Variants in CCDC144A observed in about 807,000 individuals in gnomAD.
The protein encoded by CCDC144A is coiled-coil domain-containing protein 144A.
Under a neutral mutation model 143.8 loss-of-function variants are expected in CCDC144A, and 41 were observed. That is an observed-to-expected ratio of 0.29 (90% confidence interval 0.22 to 0.37). The LOEUF (loss-of-function observed/expected upper bound fraction) is 0.37. Among genes scored for constraint, CCDC144A ranks in the 10% least tolerant of loss-of-function variants. The probability of loss-of-function intolerance (pLI) is 1.00; values close to 1 mark genes in which losing one functional copy is unlikely to be tolerated. For missense variants in CCDC144A, 637 were observed against 1,488.8 expected, an observed-to-expected ratio of 0.43 and a Z score of 9.41; for synonymous variants, 242 against 517.9, an observed-to-expected ratio of 0.47 and a Z score of 7.23.
At chr17:16,670,298 T>C in the CCDC144A span, among the ~76,000 whole-genome samples, 10 of 148,740 alleles carry the variant, frequency 6.7e-5, no homozygotes, top group Non-Finnish European at 6.0e-5. Context: ...TTTCTTTTTT[T>C]TTTTTTTTTG....
chr17:16,697,113 C>T (rs551458384), intron 2 of CCDC144A, among the ~76,000 whole-genome samples: 1 of 152,080 alleles, frequency 6.6e-6, no homozygotes, highest in Admixed American at 6.5e-5. Context: ...CAAATAGATG[C>T]GTGTTTCTCC....
chr17:16,769,319 C>T (rs1915733658), intron 15 of CCDC144A, among the ~76,000 whole-genome samples: 1 of 152,216 alleles, frequency 6.6e-6, no homozygotes, highest in African/African-American at 2.4e-5. Context: ...GAGTCTAAGT[C>T]CTCATTTGAA....
intron 8 of CCDC144A, among the ~76,000 whole-genome samples, chr17:16,725,574 A>C (rs1913367962): frequency 1.3e-5 from 2 of 152,076 alleles, no homozygotes; most frequent in African/African-American, 4.8e-5. Flanking sequence ...GAGCTATGCT[A>C]TGAGGATGCA....
the CCDC144A span, chr17:16,684,018 A>T: frequency 3.2e-6 from 3 of 936,948 alleles, no homozygotes; most frequent in Non-Finnish European, 5.3e-6. Flanking sequence ...GCGGAAATTC[A>T]TGCAGCCTGC....
intron 3 of CCDC144A, chr17:16,706,739 G>C (rs948348590): frequency 6.6e-6 from 1 of 151,802 alleles, no homozygotes; most frequent in Non-Finnish European, 1.5e-5. Context: ...ATGACTCTTT[G>C]TACAAAGATG....
rs991237418 is a variant in CCDC144A at position 16,690,859 on chromosome 17, C to G, written c.344+115C>G. ...TCAGAGGGGTCAGGGGCCCAGGCCT[C>G]TTAGTGAGACGGGATCAAATATAAA... is the stretch of plus-strand genomic sequence containing the variant. On this transcript the variant is annotated intron_variant, in intron 1 of 16. Transcript: ENST00000399273. 3 of 877,390 alleles carry G rather than the reference C, an allele frequency of 3.4e-6. No individual in the cohort carries two copies. The African/African-American group carries it at 5.1e-5, about 15-fold the overall frequency. The allele number at this position is 877,390 out of a possible 1,614,324, so 54.4% of individuals were successfully genotyped here.
chr17:16,714,483 T>C (rs996769582), intron 6 of CCDC144A, among the ~76,000 whole-genome samples: 7 of 152,138 alleles, frequency 4.6e-5, no homozygotes, highest in South Asian at 2.1e-4. Context: ...ACTAAGGTGT[T>C]GTCATTGACT....
chr17:16,725,002 A>ATTTTTTTTTTTTTTTTTTTT (rs1167527388), intron 8 of CCDC144A, among the ~76,000 whole-genome samples: 2 of 37,284 alleles, frequency 5.4e-5, no homozygotes, highest in Non-Finnish European at 5.3e-5. Context: ...ATAGCTGGTA[A>ATTTTTTTTTTTTTTTTTTTT]TTTTTTTTTT....
intron 12 of CCDC144A, among the ~76,000 whole-genome samples, chr17:16,736,332 G>A (rs995971333): frequency 2.0e-5 from 3 of 148,312 alleles, no homozygotes; most frequent in African/African-American, 7.5e-5. Context: ...GGCTGGTCTC[G>A]AACTCCTGAC....
chr17:16,758,939 G>A (rs1194604383), intron 12 of CCDC144A, among the ~76,000 whole-genome samples: 1 of 152,178 alleles, frequency 6.6e-6, no homozygotes, highest in Admixed American at 6.5e-5. Flanking sequence ...TTCCTGTGAA[G>A]GAAGCACACT....
At position 16,722,396 on chromosome 17, in the gene CCDC144A, G is replaced by T. The variant is rs186389112; in HGVS notation, c.1891+1738G>T. On this transcript the variant is annotated intron_variant, in intron 8 of 16. Transcript: ENST00000399273. ...GTAGTTTTAGCTTCACAGCAAAATT[G>T]AAAGTAAGGCACAGAGATTATCCCT... 2.5e-3 allele frequency among the ~76,000 whole-genome samples: 379 copies of T among 152,136 alleles called. 3 individuals carry two copies. The highest frequency in any genetic ancestry group is 8.9e-3 in the African/African-American group (368 of 41,506).
chr17:16,715,567 A>G (rs912568172), intron 6 of CCDC144A, among the ~76,000 whole-genome samples: 7 of 152,164 alleles, frequency 4.6e-5, no homozygotes, highest in African/African-American at 7.2e-5. Flanking sequence ...TAATTTATAA[A>G]GAAAATTAAA....
intron 9 of CCDC144A, among the ~76,000 whole-genome samples, chr17:16,729,867 A>T (rs71360196): frequency 0.048 from 6,826 of 141,114 alleles, 244 homozygotes; most frequent in African/African-American, 0.096. Flanking sequence ...AAAAAAAAAA[A>T]ATATATATAT....
At chr17:16,704,070 G>A (rs1462332312) in intron 2 of CCDC144A, among the ~76,000 whole-genome samples, 3 of 152,166 alleles carry the variant, frequency 2.0e-5, no homozygotes, top group Non-Finnish European at 4.4e-5. Context: ...CCACATATGT[G>A]GTTGTGGATA....
chr17:16,684,330 T>C, the CCDC144A span: 7 of 711,478 alleles, frequency 9.8e-6, no homozygotes, highest in Non-Finnish European at 1.8e-5. Context: ...GACATAACAA[T>C]TTCCATGAAG....
At chr17:16,740,437 C>T (rs1914207450) in intron 12 of CCDC144A, among the ~76,000 whole-genome samples, 1 of 152,162 alleles carries the variant, frequency 6.6e-6, no homozygotes, top group African/African-American at 2.4e-5. Context: ...TCCAGGAGTA[C>T]AGCAACTGGA....
At chr17:16,684,903 A>T (rs1910726561), upstream of CCDC144A, among the ~76,000 whole-genome samples, 1 of 152,192 alleles carries the variant, frequency 6.6e-6, no homozygotes, top group Admixed American at 6.5e-5. Flanking sequence ...TCGAGGTTGC[A>T]GTGAGCCAAG....
At position 16,690,548 on chromosome 17, in the gene CCDC144A, C is replaced by T. The variant is rs779422079; in HGVS notation, c.148C>T (p.Pro50Ser). 4.3e-5 allele frequency: 70 copies of T among 1,613,752 alleles called. No individual in the cohort carries two copies. Among genetic ancestry groups the T allele is most frequent in the African/African-American group, 2.3e-4 (17 of 75,016 alleles). The part of the protein sequence containing the change: ...YPGDQWSSGF[P>S]YSWWKNSVGS... ...GGGGGACCAGTGGTCCTCGGGCTTC[C>T]CCTACAGCTGGTGGAAAAACAGCGT... is the stretch of plus-strand genomic sequence containing the variant. Residue 50 changes from proline to serine, a missense_variant, in exon 1 of 17, where the codon CCC becomes TCC. Coordinates refer to ENST00000399273, the MANE Select transcript of CCDC144A (RefSeq NM_001382000.1).
At chr17:16,724,158 T>G (rs949591307) in intron 8 of CCDC144A, among the ~76,000 whole-genome samples, 10 of 152,136 alleles carry the variant, frequency 6.6e-5, no homozygotes, top group African/African-American at 2.4e-4. Context: ...ATGAGATATT[T>G]TGTTACTAAT....
Sources: gnomAD v4.1 joint callset for allele counts (sites outside exome capture counted in the v4.1 genomes callset) on GRCh38, gnomAD v4.1.1 for gene constraint, MANE v1.5 for transcripts, NCBI Gene and HGNC (gene_info 2026-07-23, HGNC 2026-07-21) for gene names.